Variants in NCAM2 observed in about 807,000 individuals in gnomAD.
NCAM2 encodes the protein neural cell adhesion molecule 2.
A neutral mutation model predicts 98.1 loss-of-function variants in NCAM2; 30 were observed. The observed-to-expected ratio is 0.31, with a 90% CI of 0.23 to 0.41. The LOEUF (loss-of-function observed/expected upper bound fraction) is 0.41. Ranked by LOEUF, NCAM2 falls within the 10% of genes least tolerant of loss-of-function variation. The pLI is 1.00. For synonymous variants in NCAM2, 368 were observed against 342.4 expected, an observed-to-expected ratio of 1.07 and a Z score of -0.83; for missense variants, 867 against 1,005.8, an observed-to-expected ratio of 0.86 and a Z score of 1.87.
chr21:21,486,321 A>AAC (rs1986378096), intron 15 of NCAM2, among the ~76,000 whole-genome samples: 1 of 151,010 alleles, frequency 6.6e-6, no homozygotes, highest in Non-Finnish European at 1.5e-5. Context: ...AAAAAAAAAA[A>AAC]AAAAAAACTT....
chr21:21,260,572 A>AAC (rs1313959150), intron 1 of NCAM2, among the ~76,000 whole-genome samples: 1 of 151,574 alleles, frequency 6.6e-6, no homozygotes, highest in Admixed American at 6.6e-5. Context: ...AAGAAAAAAA[A>AAC]AAATGCCAGC....
chr21:21,316,781 C>A (rs1355045351), intron 5 of NCAM2, among the ~76,000 whole-genome samples: 1 of 151,828 alleles, frequency 6.6e-6, no homozygotes, highest in Non-Finnish European at 1.5e-5. Context: ...TGACCTCAGG[C>A]GATCTGCCTG....
chr21:21,447,025 A>G (rs554631448), intron 12 of NCAM2, among the ~76,000 whole-genome samples: 40 of 152,210 alleles, frequency 2.6e-4, no homozygotes, highest in African/African-American at 9.1e-4. Context: ...TACCATAGAC[A>G]TTCTTCACAG....
At chr21:21,482,394 C>A (rs879930778) in intron 15 of NCAM2, among the ~76,000 whole-genome samples, 1 of 151,842 alleles carries the variant, frequency 6.6e-6, no homozygotes, top group Non-Finnish European at 1.5e-5. Flanking sequence ...AATAAGTTAT[C>A]TGTAATAAAC....
intron 1 of NCAM2, among the ~76,000 whole-genome samples, chr21:21,257,024 T>G (rs1232841496): frequency 1.9e-4 from 29 of 152,242 alleles, no homozygotes; most frequent in Non-Finnish European, 4.4e-5. Context: ...TTAATCAAGC[T>G]GCTAAAGTAC....
At chr21:21,488,158 G>A (rs1393083661) in intron 15 of NCAM2, among the ~76,000 whole-genome samples, 1 of 151,936 alleles carries the variant, frequency 6.6e-6, no homozygotes, top group East Asian at 1.9e-4. Flanking sequence ...TAATTTTATT[G>A]CAAATAAATT....
chr21:21,015,014 G>A (rs924306031), intron 1 of NCAM2, among the ~76,000 whole-genome samples: 2 of 152,184 alleles, frequency 1.3e-5, no homozygotes, highest in African/African-American at 4.8e-5. Context: ...TAGAAGTGGA[G>A]CTTGCAGATG....
chr21:21,215,850 G>T (rs1468227184), intron 1 of NCAM2, among the ~76,000 whole-genome samples: 1 of 152,148 alleles, frequency 6.6e-6, no homozygotes, highest in Non-Finnish European at 1.5e-5. Context: ...GAACAGAAAA[G>T]AAACAATATT....
chr21:21,480,280 T>G (rs1441591765), intron 15 of NCAM2, among the ~76,000 whole-genome samples: 1 of 142,310 alleles, frequency 7.0e-6, no homozygotes, highest in South Asian at 2.2e-4. Context: ...GGCAGGAGAA[T>G]GGCGTGAACC....
intron 3 of NCAM2, among the ~76,000 whole-genome samples, chr21:21,285,160 A>T (rs537647178): frequency 2.6e-5 from 4 of 151,928 alleles, no homozygotes; most frequent in Non-Finnish European, 5.9e-5. Flanking sequence ...ACCTTAAATT[A>T]TATTGCATAA....
chr21:21,293,215 T>C (rs2073357414), intron 5 of NCAM2, among the ~76,000 whole-genome samples: 1 of 151,944 alleles, frequency 6.6e-6, no homozygotes, highest in African/African-American at 2.4e-5. Flanking sequence ...GACATATCCA[T>C]TGTATATTTT....
chr21:21,208,373 G>A (rs2069520838), intron 1 of NCAM2, among the ~76,000 whole-genome samples: 1 of 152,038 alleles, frequency 6.6e-6, no homozygotes, highest in Non-Finnish European at 1.5e-5. Context: ...TCTGTACTAG[G>A]CAGCAGGGGA....
chr21:21,425,040 C>CAAAAAA lies in NCAM2; in HGVS notation c.1480+6494_1480+6499dup, dbSNP rs1192128472. Among the ~76,000 whole-genome samples the CAAAAAA allele has an allele frequency of 8.7e-4, 38 of 43,852 alleles. 5 individuals are homozygous for CAAAAAA. The highest frequency in any genetic ancestry group is 1.2e-3 in the Non-Finnish European group (27 of 22,838). The allele number at this position is 43,852 out of a possible 152,430, so 28.8% of individuals were successfully genotyped here. The stretch of plus-strand genomic sequence containing the variant: ...GACAAAAGCGGGACTCTTCCTCCTC[C>CAAAAAA]AAAAAAAAAAAAAAAAAAAAAAAAA... On this transcript the variant is annotated intron_variant, in intron 11 of 17. Coordinates refer to ENST00000400546, the MANE Select transcript of NCAM2 (RefSeq NM_004540.5).
At chr21:21,397,222 G>A (rs1486234280) in intron 9 of NCAM2, among the ~76,000 whole-genome samples, 1 of 152,100 alleles carries the variant, frequency 6.6e-6, no homozygotes, top group African/African-American at 2.4e-5. Flanking sequence ...AGCACCAGAA[G>A]TTATCACTCT....
intron 1 of NCAM2, among the ~76,000 whole-genome samples, chr21:21,247,355 G>A (rs1046755938): frequency 5.3e-5 from 8 of 152,048 alleles, no homozygotes; most frequent in African/African-American, 1.7e-4. Context: ...TAAACAGAGG[G>A]ATTTTGCTTG....
At chr21:21,515,476 A>C (rs1488112199) in intron 16 of NCAM2, among the ~76,000 whole-genome samples, 2 of 152,220 alleles carry the variant, frequency 1.3e-5, no homozygotes. Flanking sequence ...TAGTGAAATC[A>C]TCAAGATAGT....
Position 21,508,847 on chromosome 21 carries a change from T to TTTTTTTA in NCAM2, c.2078-4_2078-3insTTTTTTA. 1 of 987,248 alleles carries TTTTTTTA rather than the reference T, an allele frequency of 1.0e-6. No homozygotes were observed. Among genetic ancestry groups the TTTTTTTA allele is most frequent in the Non-Finnish European group, 1.5e-6 (1 of 683,428 alleles). The allele number at this position is 987,248 out of a possible 1,614,324, so 61.2% of individuals were successfully genotyped here. A position where few individuals can be genotyped will look rare whatever the true frequency, so the allele number is the denominator to read the frequency against. On this transcript the variant is annotated splice_polypyrimidine_tract_variant and splice_region_variant and intron_variant, in intron 15 of 17. Coordinates refer to ENST00000400546, the MANE Select transcript of NCAM2 (RefSeq NM_004540.5). ...TTTTTTTTTTTTTTTTTTTACTTTT[T>TTTTTTTA]AAGACACGCTGTTTAATGGTCTTGG...
At chr21:21,009,202 T>A (rs1349921061) in intron 1 of NCAM2, among the ~76,000 whole-genome samples, 7 of 152,152 alleles carry the variant, frequency 4.6e-5, no homozygotes, top group Non-Finnish European at 1.0e-4. Flanking sequence ...TTGACTGATT[T>A]TAAAAAGCAT....
chr21:21,385,911 C>T (rs902521584), intron 9 of NCAM2, among the ~76,000 whole-genome samples: 1 of 151,964 alleles, frequency 6.6e-6, no homozygotes, highest in African/African-American at 2.4e-5. Context: ...TAGAAATTTT[C>T]ATTTACTTTT....
Sources: allele counts gnomAD v4.1 joint callset (sites outside exome capture counted in the v4.1 genomes callset), GRCh38; gene constraint gnomAD v4.1.1; transcripts MANE v1.5; gene names NCBI Gene and HGNC (gene_info 2026-07-23, HGNC 2026-07-21).